ZNF143: variants seen among roughly 807,000 people sequenced by gnomAD.
ZNF143 encodes zinc finger protein 143.
In ZNF143, 49 loss-of-function variants were observed where a neutral mutation model predicts 74.1. The ratio of observed to expected loss-of-function variants is 0.66; its 90% CI spans 0.53 to 0.84. The LOEUF (loss-of-function observed/expected upper bound fraction) is 0.84, where lower values mean the gene tolerates loss of function less well. Ranked by LOEUF, ZNF143 falls within the 40% of genes least tolerant of loss-of-function variation. ZNF143 has a pLI of 0.00. For missense variants in ZNF143, 637 were observed against 793.4 expected (o/e 0.80, Z 2.37); for synonymous variants, 304 against 282.8 (o/e 1.07, Z -0.75).
chr11:9,466,532 G>T (rs1856227097), intron 1 of ZNF143, among the ~76,000 whole-genome samples: 1 of 151,930 alleles, frequency 6.6e-6, no homozygotes, highest in South Asian at 2.1e-4. Flanking sequence ...CTGACCTCAG[G>T]TGATCCACCC....
intron 12 of ZNF143, among the ~76,000 whole-genome samples, chr11:9,511,110 T>TC (rs1848526093): frequency 7.1e-6 from 1 of 141,810 alleles, no homozygotes; most frequent in African/African-American, 2.6e-5. Flanking sequence ...TTCTTTTTTT[T>TC]TTTTTTTTTT....
intron 13 of ZNF143, among the ~76,000 whole-genome samples, chr11:9,515,653 C>CAAAAAA (rs57158902): frequency 1.2e-5 from 1 of 86,024 alleles, no homozygotes; most frequent in Non-Finnish European, 2.4e-5. Context: ...GACTCTGTCT[C>CAAAAAA]AAAAAAAAAA....
chr11:9,516,151 C>A, intron 13 of ZNF143, 50 bp from the exon 14 acceptor site: 1 of 1,587,320 alleles, frequency 6.3e-7, no homozygotes, highest in South Asian at 1.1e-5. Context: ...GGAAGATTGT[C>A]AGCTATAACA....
chr11:9,522,795 A>G (rs1403229831), intron 14 of ZNF143, among the ~76,000 whole-genome samples: 3 of 150,476 alleles, frequency 2.0e-5, no homozygotes, highest in Non-Finnish European at 3.0e-5. Flanking sequence ...CACCTGGCCT[A>G]TTTGGGGTTT....
chr11:9,507,163 T>G (rs924566843), intron 11 of ZNF143, among the ~76,000 whole-genome samples: 7 of 152,176 alleles, frequency 4.6e-5, no homozygotes, highest in South Asian at 2.1e-4. Flanking sequence ...ATCTTATTTT[T>G]GGGGGGGTTT....
At chr11:9,502,039 C>T (rs1189126036) in intron 11 of ZNF143, among the ~76,000 whole-genome samples, 2 of 136,168 alleles carry the variant, frequency 1.5e-5, no homozygotes, top group East Asian at 2.2e-4. Context: ...CAGGTTTAAG[C>T]GATTCTCCCA....
intron 1 of ZNF143, among the ~76,000 whole-genome samples, chr11:9,462,611 C>A (rs1205363917): frequency 6.6e-6 from 1 of 151,928 alleles, no homozygotes; most frequent in African/African-American, 2.4e-5. Flanking sequence ...TGGTGGCTCA[C>A]ACCTGTAATC....
At chr11:9,482,315 G>A (rs1488397693) in intron 7 of ZNF143, among the ~76,000 whole-genome samples, 2 of 145,474 alleles carry the variant, frequency 1.4e-5, no homozygotes, top group African/African-American at 5.2e-5. Context: ...CTGTCGCCCA[G>A]GCTGGAGTGC....
intron 14 of ZNF143, among the ~76,000 whole-genome samples, chr11:9,518,980 A>G (rs1848818656): frequency 6.6e-6 from 1 of 152,160 alleles, no homozygotes; most frequent in Non-Finnish European, 1.5e-5. Context: ...CCTGTTTTTC[A>G]TATTTGCCTG....
At chr11:9,522,379 C>T (rs544871516) in intron 14 of ZNF143, among the ~76,000 whole-genome samples, 4 of 151,734 alleles carry the variant, frequency 2.6e-5, no homozygotes, top group Non-Finnish European at 4.4e-5. Context: ...GTACAAGCCA[C>T]TGCTTCTGGG....
In ZNF143 at chr11:9,462,667, A is replaced by G. The variant is rs1470356841; in HGVS notation, c.-8+1591A>G. ...GGCCAGCGGATCACCTGAGGTCAGG[A>G]GTTCGAGACCAGTCTGGTCAACGTG... On this transcript the variant is annotated intron_variant, in intron 1 of 15. Transcript: ENST00000396602. 2.6e-5 allele frequency among the ~76,000 whole-genome samples: 4 copies of G among 152,224 alleles called. No individual in the cohort carries two copies. In the East Asian group the frequency reaches 7.7e-4, roughly 29 times the overall value.
intron 11 of ZNF143, among the ~76,000 whole-genome samples, chr11:9,502,347 C>T (rs932767136): frequency 5.5e-5 from 8 of 145,644 alleles, no homozygotes; most frequent in African/African-American, 7.6e-5. Context: ...CGGTGGCTCA[C>T]GCCTGTAATC....
chr11:9,475,019 T>A (rs1231482199), intron 5 of ZNF143, among the ~76,000 whole-genome samples: 1 of 152,076 alleles, frequency 6.6e-6, no homozygotes, highest in African/African-American at 2.4e-5. Flanking sequence ...CCTGAATAGC[T>A]GGGACTACAG....
At chr11:9,520,323 A>G (rs1487532538) in intron 14 of ZNF143, among the ~76,000 whole-genome samples, 1 of 122,424 alleles carries the variant, frequency 8.2e-6, no homozygotes, top group Non-Finnish European at 1.7e-5. Flanking sequence ...TGCCTGTCCA[A>G]TTTTTTTTTT....
At chr11:9,466,562 C>T (rs902822620) in intron 1 of ZNF143, among the ~76,000 whole-genome samples, 1 of 152,048 alleles carries the variant, frequency 6.6e-6, no homozygotes, top group Non-Finnish European at 1.5e-5. Flanking sequence ...TCCCAAAGTG[C>T]TGGGATTACA....
At chr11:9,468,481 G>A (rs1469488498) in intron 1 of ZNF143, among the ~76,000 whole-genome samples, 3 of 152,174 alleles carry the variant, frequency 2.0e-5, no homozygotes, top group African/African-American at 4.8e-5. Context: ...ACTGCACAAA[G>A]CCTTCAAGTT....
intron 7 of ZNF143, among the ~76,000 whole-genome samples, chr11:9,486,431 ATATATATAATATATTATATATATT>A (rs1847538333): frequency 4.3e-5 from 2 of 46,782 alleles, no homozygotes; most frequent in African/African-American, 1.4e-4. Flanking sequence ...TATATATATT[ATATATATAATATATTATATATATT>A]ATATATATAT....
In ZNF143 at chr11:9,489,645, C is replaced by T. The variant is rs550964109; in HGVS notation, c.646-5001C>T. On this transcript the variant is annotated intron_variant, in intron 7 of 15. Coordinates refer to ENST00000396602, the MANE Select transcript of ZNF143 (RefSeq NM_003442.6). ...ACAGAAAAGATTCAGATATGAGTCT[C>T]TCTGGAGTTATTTGCTGCCGCTACC... Among the ~76,000 whole-genome samples the T allele has an allele frequency of 3.9e-5, 6 of 152,272 alleles. No individual in the cohort carries two copies. In the South Asian group the frequency reaches 1.2e-3, roughly 32 times the overall value.
At chr11:9,491,093 T>C (rs1167778319) in intron 7 of ZNF143, among the ~76,000 whole-genome samples, 1 of 152,210 alleles carries the variant, frequency 6.6e-6, no homozygotes, top group Non-Finnish European at 1.5e-5. Context: ...TTAAGATATA[T>C]TTCACATACT....
Sources: allele counts gnomAD v4.1 joint callset (sites outside exome capture counted in the v4.1 genomes callset), GRCh38; gene constraint gnomAD v4.1.1; transcripts MANE v1.5; gene names NCBI Gene and HGNC (gene_info 2026-07-23, HGNC 2026-07-21).